Variants in SYT5 observed in about 807,000 individuals in gnomAD.
SYT5 encodes synaptotagmin-5.
SYT5 carries 29 observed loss-of-function variants against 36.0 expected under a neutral mutation model. The ratio of observed to expected loss-of-function variants is 0.81; its 90% confidence interval spans 0.60 to 1.10. The LOEUF (loss-of-function observed/expected upper bound fraction) is 1.10, where lower values mean the gene tolerates loss of function less well. Ranked by LOEUF, SYT5 falls within the 50% of genes least tolerant of loss-of-function variation. SYT5 has a pLI of 0.00. For synonymous variants in SYT5, 231 were observed against 227.6 expected (o/e 1.02, Z -0.14); for missense variants, 512 against 516.0 (o/e 0.99, Z 0.08).
chr19:55,179,337 T>TC lies in SYT5; in HGVS notation c.-45-252dup. 1 of 1,116,592 alleles carries TC rather than the reference T, an allele frequency of 9.0e-7. No homozygotes were observed. The highest frequency in any genetic ancestry group is 1.2e-6 in the Non-Finnish European group (1 of 846,182). The allele number at this position is 1,116,592 out of a possible 1,614,324, so 69.2% of individuals were successfully genotyped here. On this transcript the variant is annotated intron_variant, in intron 1 of 8. Transcript: ENST00000354308. The surrounding 1 kb of genome is among the most constrained non-coding windows in gnomAD (Gnocchi z 4.5). ...CTGACTTCTGCCTCGTCCTCGCCCC[T>TC]CCGCAGGGTCTGAACCGGAAGCGGG...
chr19:55,178,542 C>G (rs1157005723), intron 2 of SYT5, among the ~76,000 whole-genome samples, 174 bp from the exon 3 acceptor site: 1 of 152,088 alleles, frequency 6.6e-6, no homozygotes, highest in Non-Finnish European at 1.5e-5. Flanking sequence ...GATTCGATGC[C>G]CCAACCCAGG....
In SYT5 at chr19:55,175,436, G is replaced by A. The variant is rs1001604146; in HGVS notation, c.541-97C>T. On this transcript the variant is annotated intron_variant, in intron 5 of 8. Coordinates refer to ENST00000354308, the MANE Select transcript of SYT5 (RefSeq NM_003180.3). This position sits in a 1 kb window ranked among gnomAD's most constrained non-coding sequence, Gnocchi z 4.5. ...GGAAGGCATGGAGTGAGGCAGCGAG[G>A]GTCGAAGCGAACAGTTGGGGGAACT... is the stretch of plus-strand genomic sequence containing the variant. 2 of 1,333,484 alleles carry A rather than the reference G, an allele frequency of 1.5e-6. No homozygotes were observed. Among genetic ancestry groups the A allele is most frequent in the East Asian group, 2.5e-5 (1 of 40,416 alleles). 82.6% of individuals were successfully genotyped at this position (1,333,484 alleles called of 1,614,324 possible).
rs1272719309 is a variant in SYT5 at position 55,172,706 on chromosome 19, C to T, written c.*778G>A. On this transcript the variant is annotated 3_prime_UTR_variant, in exon 9 of 9. Transcript: ENST00000354308. The stretch of plus-strand genomic sequence containing the variant: ...GGGGCCCCAGCACTCAACAGAAGAC[C>T]TCAGGGAATATGGAATGGAAGGAAG... The T allele has an allele frequency of 1.3e-5, 2 of 151,484 alleles. No homozygotes were observed. Among genetic ancestry groups the T allele is most frequent in the East Asian group, 3.9e-4 (2 of 5,164 alleles). The allele number at this position is 151,484 out of a possible 1,614,324, so 9.4% of individuals were successfully genotyped here. A position where few individuals can be genotyped will look rare whatever the true frequency, so the allele number is the denominator to read the frequency against.
In SYT5 at chr19:55,175,162, G is replaced by A; in HGVS notation, c.708+10C>T. 2 of 1,589,586 alleles carry A rather than the reference G, an allele frequency of 1.3e-6. No individual in the cohort carries two copies. The highest frequency in any genetic ancestry group is 1.1e-5 in the South Asian group (1 of 88,640). On this transcript the variant is annotated intron_variant, in intron 6 of 8. Transcript: ENST00000354308. The surrounding 1 kb of genome is among the most constrained non-coding windows in gnomAD (Gnocchi z 4.5). Reference sequence around the variant, plus strand: ...GGGGCGTGGCTCGGGGCGCGACCGCGCATGCTCACCTCCTCCCGCGGAGCC... The same window carrying A: ...GGGGCGTGGCTCGGGGCGCGACCGCACATGCTCACCTCCTCCCGCGGAGCC...
At position 55,173,728 on chromosome 19, in the gene SYT5, A is replaced by G; in HGVS notation, c.961-44T>C. The G allele has an allele frequency of 7.6e-7, 1 of 1,309,760 alleles. No homozygotes were observed. Among genetic ancestry groups the G allele is most frequent in the Non-Finnish European group, 9.8e-7 (1 of 1,021,686 alleles). The allele number at this position is 1,309,760 out of a possible 1,614,324, so 81.1% of individuals were successfully genotyped here. On this transcript the variant is annotated intron_variant, in intron 8 of 8. Coordinates refer to ENST00000354308, the MANE Select transcript of SYT5 (RefSeq NM_003180.3). The surrounding 1 kb of genome is among the most constrained non-coding windows in gnomAD (Gnocchi z 5.4). ...GAAGAGGAGAGAGGAGCGTGAGGGG[A>G]GGAGGCCCCGGAAGGGGCGGTGTCC...
In SYT5 at chr19:55,171,243, A is replaced by G. The variant is rs1466618473; in HGVS notation, c.*2241T>C. 6.7e-6 allele frequency: 1 copy of G among 148,944 alleles called. No individual in the cohort carries two copies. Among genetic ancestry groups the G allele is most frequent in the Non-Finnish European group, 1.5e-5 (1 of 66,998 alleles). 9.2% of individuals were successfully genotyped at this position (148,944 alleles called of 1,614,324 possible). A position where few individuals can be genotyped will look rare whatever the true frequency, so the allele number is the denominator to read the frequency against. On this transcript the variant is annotated 3_prime_UTR_variant, in exon 9 of 9. Coordinates refer to ENST00000354308, the MANE Select transcript of SYT5 (RefSeq NM_003180.3). The stretch of plus-strand genomic sequence containing the variant: ...TTTATTTCATGAGTTTGCTGTGAGG[A>G]TTATTATTGGCAGTAATAGTAGTAA...
rs1261236674 is a variant in SYT5 at position 55,172,427 on chromosome 19, A to G, written c.*1057T>C. The G allele has an allele frequency of 6.6e-6, 1 of 151,296 alleles. No homozygotes were observed. Among genetic ancestry groups the G allele is most frequent in the East Asian group, 1.9e-4 (1 of 5,192 alleles). 9.4% of individuals were successfully genotyped at this position (151,296 alleles called of 1,614,324 possible). A position where few individuals can be genotyped will look rare whatever the true frequency, so the allele number is the denominator to read the frequency against. Reference sequence around the variant, plus strand: ...CAAAGTGAGACTTCATCTCAAAAAAACAAAAACAAAAACAAAAAAACAAAC... The same window carrying G: ...CAAAGTGAGACTTCATCTCAAAAAAGCAAAAACAAAAACAAAAAAACAAAC... On this transcript the variant is annotated 3_prime_UTR_variant, in exon 9 of 9. Transcript: ENST00000354308.
rs1447802520 is a variant in SYT5, at chr19:55,176,134, C to T, written c.253-10G>A. ...CTACTTCTGGCTGCACCTTAAGGAGCCAGGGGTAAGGGTGGGTGAAGTCTT... is the reference window on the plus strand; with the variant it reads ...CTACTTCTGGCTGCACCTTAAGGAGTCAGGGGTAAGGGTGGGTGAAGTCTT... On this transcript the variant is annotated splice_polypyrimidine_tract_variant and intron_variant, in intron 3 of 8. Transcript: ENST00000354308. The T allele has an allele frequency of 9.3e-6, 15 of 1,613,812 alleles. No homozygotes were observed. The highest frequency in any genetic ancestry group is 1.3e-5 in the Non-Finnish European group (15 of 1,180,026).
Position 55,179,515 on chromosome 19 carries a change from G to A in SYT5, c.-45-429C>T. ...CGCACAGACGCGGAGTCCCGGCGGG[G>A]CAGGCTCGCTCCGGGGCCCACCGGT... On this transcript the variant is annotated intron_variant, in intron 1 of 8. Coordinates refer to ENST00000354308, the MANE Select transcript of SYT5 (RefSeq NM_003180.3). The surrounding 1 kb of genome is among the most constrained non-coding windows in gnomAD (Gnocchi z 4.5). The A allele has an allele frequency of 7.3e-6, 2 of 273,110 alleles. No homozygotes were observed. The highest frequency in any genetic ancestry group is 1.4e-4 in the South Asian group (1 of 7,306). The allele number at this position is 273,110 out of a possible 1,614,324, so 16.9% of individuals were successfully genotyped here. A position where few individuals can be genotyped will look rare whatever the true frequency, so the allele number is the denominator to read the frequency against.
In SYT5 at chr19:55,178,297, A is replaced by G. The variant is rs2086100542; in HGVS notation, c.151T>C (p.Tyr51His). Residue 51 changes from tyrosine (Y) to histidine (H), a missense_variant, in exon 3 of 9, where the codon TAC becomes CAC. Tyr to His is a moderately conservative substitution (Grantham distance 83, BLOSUM62 2). Coordinates refer to ENST00000354308, the MANE Select transcript of SYT5 (RefSeq NM_003180.3). ...LLIFSCCFCL[Y>H]RKSCRRRTGK... ...GTCCGCCTCCGACAGCTCTTCCGGT[A>G]GAGACAGAAACAGCAGCTGAAGATG... 1 of 1,612,154 alleles carries G rather than the reference A, an allele frequency of 6.2e-7. No individual in the cohort carries two copies. The highest frequency in any genetic ancestry group is 8.5e-7 in the Non-Finnish European group (1 of 1,179,420).
chr19:55,174,476 T>A, intron 8 of SYT5, 41 bp downstream of exon 8: 1 of 1,601,446 alleles, frequency 6.2e-7, no homozygotes, highest in Non-Finnish European at 8.5e-7. Context: ...TGGCGATTAC[T>A]AAAGGTCTGG....
At chr19:55,174,808 G>T in intron 7 of SYT5, 74 bp downstream of exon 7, 2 of 1,579,036 alleles carry the variant, frequency 1.3e-6, no homozygotes, top group South Asian at 2.2e-5. Context: ...AAACCCTCGA[G>T]GCTCAGAAAC....
At chr19:55,178,818 T>C in intron 2 of SYT5, 145 bp downstream of exon 2, 2 of 419,996 alleles carry the variant, frequency 4.8e-6, no homozygotes, top group South Asian at 1.2e-4. Context: ...CCCATTTCGT[T>C]CGCATTCCAG....
intron 3 of SYT5, 32 bp downstream of exon 3, chr19:55,178,164 G>A (rs995471175): frequency 1.3e-6 from 2 of 1,599,270 alleles, no homozygotes; most frequent in Admixed American, 1.7e-5. Context: ...GTGCGGGAAG[G>A]GGCCAGGTGG....
rs2086026945 is a variant in SYT5, at chr19:55,173,461, T to G, written c.*23A>C. ...GGGGTCAGGGGCTAGAGTCCAGGCTTGGCCGGGGGCTTGGGGTGGGAGTCA... is the reference window on the plus strand; with the variant it reads ...GGGGTCAGGGGCTAGAGTCCAGGCTGGGCCGGGGGCTTGGGGTGGGAGTCA... On this transcript the variant is annotated 3_prime_UTR_variant, in exon 9 of 9. Transcript: ENST00000354308. This position sits in a 1 kb window ranked among gnomAD's most constrained non-coding sequence, Gnocchi z 5.4. 2 of 1,337,926 alleles carry G rather than the reference T, an allele frequency of 1.5e-6. No homozygotes were observed. The highest frequency in any genetic ancestry group is 1.9e-6 in the Non-Finnish European group (2 of 1,046,892). 82.9% of individuals were successfully genotyped at this position (1,337,926 alleles called of 1,614,324 possible).
chr19:55,173,293 C>T lies in SYT5; in HGVS notation c.*191G>A. On this transcript the variant is annotated 3_prime_UTR_variant, in exon 9 of 9. Transcript: ENST00000354308. The surrounding 1 kb of genome is among the most constrained non-coding windows in gnomAD (Gnocchi z 5.4). ...TGTCCGCGAGGGTCGGGGGAGTGTG[C>T]TGGAAAGTTGTCGTGATTGGCATCG... is the stretch of plus-strand genomic sequence containing the variant. 2.2e-6 allele frequency: 1 copy of T among 459,030 alleles called. No individual in the cohort carries two copies. The highest frequency in any genetic ancestry group is 4.5e-5 in the Admixed American group (1 of 22,288). The allele number at this position is 459,030 out of a possible 1,614,324, so 28.4% of individuals were successfully genotyped here.
chr19:55,173,281 C>T lies in SYT5; in HGVS notation c.*203G>A, dbSNP rs2086024413. The T allele has an allele frequency of 7.0e-6, 3 of 430,748 alleles. No homozygotes were observed. In the East Asian group the frequency reaches 1.1e-4, roughly 16 times the overall value. The allele number at this position is 430,748 out of a possible 1,614,324, so 26.7% of individuals were successfully genotyped here. ...GGCATCTGGGTGTGTCCGCGAGGGT[C>T]GGGGGAGTGTGCTGGAAAGTTGTCG... On this transcript the variant is annotated 3_prime_UTR_variant, in exon 9 of 9. Transcript: ENST00000354308. This position sits in a 1 kb window ranked among gnomAD's most constrained non-coding sequence, Gnocchi z 5.4.
At position 55,173,883 on chromosome 19, in the gene SYT5, C is replaced by T. The variant is rs2086034896; in HGVS notation, c.961-199G>A. ...AGGAGGAGGCTCTGGCGCCTTTCTT[C>T]CTGCGCAGCCAGGTTTCTAAGGAAA... is the stretch of plus-strand genomic sequence containing the variant. On this transcript the variant is annotated intron_variant, in intron 8 of 8. Coordinates refer to ENST00000354308, the MANE Select transcript of SYT5 (RefSeq NM_003180.3). The surrounding 1 kb of genome is among the most constrained non-coding windows in gnomAD (Gnocchi z 5.4). 2 of 471,040 alleles carry T rather than the reference C, an allele frequency of 4.2e-6. No homozygotes were observed. Among genetic ancestry groups the T allele is most frequent in the Admixed American group, 4.4e-5 (1 of 22,766 alleles). 29.2% of individuals were successfully genotyped at this position (471,040 alleles called of 1,614,324 possible).
chr19:55,175,478 G>A lies in SYT5; in HGVS notation c.541-139C>T. The A allele has an allele frequency of 8.8e-7, 1 of 1,142,394 alleles. No homozygotes were observed. Among genetic ancestry groups the A allele is most frequent in the Non-Finnish European group, 1.2e-6 (1 of 829,162 alleles). The allele number at this position is 1,142,394 out of a possible 1,614,324, so 70.8% of individuals were successfully genotyped here. A position where few individuals can be genotyped will look rare whatever the true frequency, so the allele number is the denominator to read the frequency against. On this transcript the variant is annotated intron_variant, in intron 5 of 8. Transcript: ENST00000354308. This position sits in a 1 kb window ranked among gnomAD's most constrained non-coding sequence, Gnocchi z 4.5. ...GGGGGAACTCAAATGGGAAAGTCCA[G>A]GGATCCATGCGGAAAAAAATCACGG...
Sources: gnomAD v4.1 joint callset for allele counts (sites outside exome capture counted in the v4.1 genomes callset) on GRCh38, gnomAD v4.1.1 for gene constraint, Gnocchi (gnomAD v3.1) non-coding constraint, MANE v1.5 for transcripts, NCBI Gene and HGNC (gene_info 2026-07-23, HGNC 2026-07-21) for gene names.